The following RYR2 variants were observed in gnomAD, a reference collection of about 807,000 sequenced individuals.
RYR2 encodes cardiac muscle ryanodine receptor-calcium release channel.
In RYR2, 227 loss-of-function variants were observed where a neutral mutation model predicts 601.1. The ratio of observed to expected loss-of-function variants is 0.38; its 90% CI spans 0.34 to 0.42. The LOEUF (loss-of-function observed/expected upper bound fraction) is 0.42. Ranked by LOEUF, RYR2 falls within the 10% of genes least tolerant of loss-of-function variation. The probability of loss-of-function intolerance (pLI) is 1.00; values close to 1 mark genes in which losing one functional copy is unlikely to be tolerated. For synonymous variants in RYR2, 2,223 were observed against 2,175.1 expected, an observed-to-expected ratio of 1.02 and a Z score of -0.61; for missense variants, 4,646 against 6,156.5, an observed-to-expected ratio of 0.75 and a Z score of 8.21.
intron 11 of RYR2, among the ~76,000 whole-genome samples, chr1:237,421,442 G>A (rs981248779): frequency 3.3e-5 from 5 of 151,974 alleles, no homozygotes; most frequent in South Asian, 2.1e-4. Flanking sequence ...ATTAGTATAC[G>A]GTTATTAACT....
intron 76 of RYR2, among the ~76,000 whole-genome samples, chr1:237,727,751 A>C (rs1376090983): frequency 6.6e-6 from 1 of 152,170 alleles, no homozygotes; most frequent in Non-Finnish European, 1.5e-5. Context: ...AAAAGAACTG[A>C]CTTATGGGAA....
chr1:237,372,558 G>A (rs1435226006), intron 6 of RYR2, among the ~76,000 whole-genome samples: 2 of 152,338 alleles, frequency 1.3e-5, no homozygotes, highest in Middle Eastern at 6.8e-3. Context: ...GTGGTTGGAT[G>A]TAAGAAAAAT....
At chr1:237,384,155 A>G (rs1052182098) in intron 8 of RYR2, among the ~76,000 whole-genome samples, 53 of 152,302 alleles carry the variant, frequency 3.5e-4, no homozygotes, top group African/African-American at 1.2e-3. Flanking sequence ...ACTTTATATG[A>G]CTGTAATATG....
At chr1:237,336,922 C>T (rs1697297251) in intron 3 of RYR2, among the ~76,000 whole-genome samples, 1 of 149,646 alleles carries the variant, frequency 6.7e-6, no homozygotes, top group Non-Finnish European at 1.5e-5. Context: ...TTATAAAACC[C>T]CTATCTCTTT....
intron 1 of RYR2, among the ~76,000 whole-genome samples, chr1:237,082,253 T>C (rs1331424523): frequency 6.6e-6 from 1 of 152,038 alleles, no homozygotes; most frequent in African/African-American, 2.4e-5. Context: ...CTCATCGTTT[T>C]GTGCCAGAAC....
chr1:237,823,332 T>C (rs574567905), intron 101 of RYR2, among the ~76,000 whole-genome samples: 5 of 152,314 alleles, frequency 3.3e-5, no homozygotes, highest in African/African-American at 1.2e-4. Context: ...ACAGAGTCTC[T>C]CAGACCACAG....
In RYR2 at chr1:237,383,196, C is replaced by T. The variant is rs187517650; in HGVS notation, c.577-4085C>T. Among the ~76,000 whole-genome samples, 612 of 151,796 alleles carry T rather than the reference C, an allele frequency of 4.0e-3. 1 individual carries two copies. Among genetic ancestry groups the T allele is most frequent in the Non-Finnish European group, 6.7e-3 (454 of 67,940 alleles). The stretch of plus-strand genomic sequence containing the variant: ...AATGGTGAAGTGCATAAAATAAATA[C>T]GTAGGATAACAAAGGAAACTAAAGG... On this transcript the variant is annotated intron_variant, in intron 8 of 104. Coordinates refer to ENST00000366574, the MANE Select transcript of RYR2 (RefSeq NM_001035.3).
chr1:237,659,824 A>G (rs769422770), intron 54 of RYR2, among the ~76,000 whole-genome samples, 161 bp from the exon 55 acceptor site: 3 of 152,244 alleles, frequency 2.0e-5, no homozygotes, highest in Non-Finnish European at 4.4e-5. Context: ...ATAGCATTGA[A>G]TATCTTTATA....
chr1:237,492,842 A>AGGAAGGAAGGAC, intron 18 of RYR2, 112 bp from the exon 19 acceptor site: 1 of 1,031,828 alleles, frequency 9.7e-7, no homozygotes, highest in Non-Finnish European at 1.3e-6. Context: ...GAAGGAAGGA[A>AGGAAGGAAGGAC]GGAAGGAAGG....
In RYR2 at chr1:237,578,322, A is replaced by T. The variant is rs1211770236; in HGVS notation, c.3598+9003A>T. On this transcript the variant is annotated intron_variant, in intron 29 of 104. Transcript: ENST00000366574. ...ACAGAAAAAAAAATGGCTCAGGTAC[A>T]GGTCATAGTAGTATCCTCTCTTTTA... Among the ~76,000 whole-genome samples the T allele has an allele frequency of 2.8e-4, 43 of 152,202 alleles. 2 individuals carry two copies. Among genetic ancestry groups the T allele is most frequent in the Admixed American group, 2.8e-3 (43 of 15,286 alleles).
At chr1:237,175,123 A>G (rs1453720986) in intron 1 of RYR2, among the ~76,000 whole-genome samples, 1 of 152,208 alleles carries the variant, frequency 6.6e-6, no homozygotes, top group Non-Finnish European at 1.5e-5. Flanking sequence ...CTGAAGGCTC[A>G]TATTTTTCTG....
intron 1 of RYR2, among the ~76,000 whole-genome samples, chr1:237,203,947 G>C (rs1681487779): frequency 6.6e-6 from 1 of 152,136 alleles, no homozygotes; most frequent in South Asian, 2.1e-4. Flanking sequence ...ATAATACAGT[G>C]TGGGCTCGTT....
chr1:237,425,867 A>G (rs184184351), intron 12 of RYR2, among the ~76,000 whole-genome samples: 160 of 152,268 alleles, frequency 1.1e-3, no homozygotes, highest in African/African-American at 3.6e-3. Context: ...ACATTACAAA[A>G]TATGACTATA....
chr1:237,567,415 CAAAAAAAA>C (rs3057438), intron 28 of RYR2, among the ~76,000 whole-genome samples: 1 of 112,020 alleles, frequency 8.9e-6, no homozygotes. Flanking sequence ...CCTGTCTCTA[CAAAAAAAA>C]AAAAAAAAAA....
At chr1:237,134,239 T>C (rs931824876) in intron 1 of RYR2, among the ~76,000 whole-genome samples, 2 of 152,138 alleles carry the variant, frequency 1.3e-5, no homozygotes, top group Non-Finnish European at 2.9e-5. Flanking sequence ...AGAGAGTCCC[T>C]CCCTTAGAAA....
At chr1:237,130,546 T>C (rs2490379) in intron 1 of RYR2, among the ~76,000 whole-genome samples, 81,846 of 151,820 alleles carry the variant, frequency 0.54, 22,842 homozygotes, top group Non-Finnish European at 0.61. Context: ...ACCCCATCTT[T>C]ACTAAAAATA....
At chr1:237,638,093 TAG>T (rs925964162) in intron 44 of RYR2, among the ~76,000 whole-genome samples, 1 of 119,692 alleles carries the variant, frequency 8.4e-6, no homozygotes, top group Non-Finnish European at 1.7e-5. Context: ...AATGTCTGCT[TAG>T]AGAGAGCTGA....
At chr1:237,197,527 A>G (rs1248724017) in intron 1 of RYR2, among the ~76,000 whole-genome samples, 1 of 152,232 alleles carries the variant, frequency 6.6e-6, no homozygotes. Context: ...AACAGTTTTT[A>G]TCACAATGAG....
chr1:237,202,830 CTT>C (rs1203618907), intron 1 of RYR2, among the ~76,000 whole-genome samples: 2 of 152,156 alleles, frequency 1.3e-5, no homozygotes, highest in Non-Finnish European at 2.9e-5. Flanking sequence ...GCTCTGATCT[CTT>C]TGCTGTGTGG....
Sources: allele counts gnomAD v4.1 joint callset (sites outside exome capture counted in the v4.1 genomes callset), GRCh38; gene constraint gnomAD v4.1.1; transcripts MANE v1.5; gene names NCBI Gene and HGNC (gene_info 2026-07-23, HGNC 2026-07-21).